Variants in FBXL17 observed in about 807,000 individuals in gnomAD.
FBXL17 encodes the protein F-box/LRR-repeat protein 17.
A neutral mutation model predicts 66.2 loss-of-function variants in FBXL17; 22 were observed. The observed-to-expected ratio is 0.33, with a 90% CI of 0.24 to 0.47. The LOEUF (loss-of-function observed/expected upper bound fraction) is 0.47. Ranked by LOEUF, FBXL17 falls within the 20% of genes least tolerant of loss-of-function variation. FBXL17 has a pLI of 1.00. For synonymous variants in FBXL17, 474 were observed against 400.5 expected (o/e 1.18, Z -2.19); for missense variants, 878 against 948.2 (o/e 0.93, Z 0.97).
intron 5 of FBXL17, among the ~76,000 whole-genome samples, chr5:108,191,993 G>A (rs1351582658): frequency 6.6e-6 from 1 of 152,100 alleles, no homozygotes; most frequent in Non-Finnish European, 1.5e-5. Context: ...AGTATCCAAA[G>A]GCAGTTCCAA....
At chr5:108,188,988 C>A (rs933654363) in intron 5 of FBXL17, among the ~76,000 whole-genome samples, 1 of 152,196 alleles carries the variant, frequency 6.6e-6, no homozygotes, top group African/African-American at 2.4e-5. Context: ...GCTGTGCTTT[C>A]TTCCTTTCCA....
intron 6 of FBXL17, among the ~76,000 whole-genome samples, chr5:108,133,363 A>C (rs1751010561): frequency 6.6e-6 from 1 of 152,174 alleles, no homozygotes; most frequent in African/African-American, 2.4e-5. Flanking sequence ...CACTGTATTT[A>C]AATATTCATA....
At chr5:107,863,979 G>C (rs1561509474) in intron 8 of FBXL17, among the ~76,000 whole-genome samples, 1 of 152,198 alleles carries the variant, frequency 6.6e-6, no homozygotes, top group East Asian at 1.9e-4. Flanking sequence ...TCTTCCACCT[G>C]AATAAAAGCC....
chr5:108,290,416 C>T (rs1023507824), intron 4 of FBXL17, among the ~76,000 whole-genome samples: 11 of 152,072 alleles, frequency 7.2e-5, no homozygotes, highest in Non-Finnish European at 1.3e-4. Flanking sequence ...TTTTAATTTA[C>T]CATTCCTGTA....
intron 8 of FBXL17, among the ~76,000 whole-genome samples, chr5:107,871,930 T>C (rs1470928789): frequency 6.6e-6 from 1 of 152,222 alleles, no homozygotes; most frequent in East Asian, 1.9e-4. Flanking sequence ...CTGTTTTCTT[T>C]TGTGCATAAT....
intron 6 of FBXL17, among the ~76,000 whole-genome samples, chr5:108,184,306 T>C (rs1172263114): frequency 2.6e-5 from 4 of 152,024 alleles, no homozygotes; most frequent in African/African-American, 9.7e-5. Context: ...CACTTGTTTT[T>C]TCGTTTTTTT....
intron 6 of FBXL17, among the ~76,000 whole-genome samples, chr5:108,128,645 C>A (rs1047213993): frequency 9.2e-5 from 14 of 151,964 alleles, no homozygotes; most frequent in African/African-American, 3.4e-4. Flanking sequence ...ATTAAAATAC[C>A]AAATTCAACA....
At chr5:108,363,643 C>G (rs1242001369) in intron 3 of FBXL17, among the ~76,000 whole-genome samples, 2 of 151,830 alleles carry the variant, frequency 1.3e-5, no homozygotes, top group African/African-American at 4.8e-5. Flanking sequence ...TTAAATGTTG[C>G]TCCTTCTCTA....
At chr5:108,377,656 T>G (rs1158381210) in intron 1 of FBXL17, among the ~76,000 whole-genome samples, 2 of 152,258 alleles carry the variant, frequency 1.3e-5, no homozygotes, top group Non-Finnish European at 2.9e-5. Context: ...AGAGTTCAAA[T>G]AGTTTTGGGC....
intron 6 of FBXL17, among the ~76,000 whole-genome samples, chr5:108,165,334 T>TCACCA (rs10675513): frequency 0.46 from 70,163 of 151,496 alleles, 17,058 homozygotes; most frequent in Admixed American, 0.58. Context: ...TGAAAAGATG[T>TCACCA]AAATGTAAAC....
intron 7 of FBXL17, among the ~76,000 whole-genome samples, chr5:107,907,293 T>C (rs933758906): frequency 2.0e-5 from 3 of 152,170 alleles, no homozygotes; most frequent in Admixed American, 6.5e-5. Context: ...GCTCTAGTTA[T>C]GTTGGTTAAA....
intron 5 of FBXL17, among the ~76,000 whole-genome samples, chr5:108,213,413 A>G (rs1010236869): frequency 1.3e-5 from 2 of 152,158 alleles, no homozygotes; most frequent in African/African-American, 2.4e-5. Context: ...TGAAACCCAG[A>G]GCCCTGGTGG....
chr5:108,377,819 T>C (rs1749551891), intron 1 of FBXL17, among the ~76,000 whole-genome samples: 1 of 152,236 alleles, frequency 6.6e-6, no homozygotes, highest in African/African-American at 2.4e-5. Context: ...AGATCATTTT[T>C]TAAGGTTAAA....
intron 7 of FBXL17, among the ~76,000 whole-genome samples, chr5:108,006,368 T>C (rs1458636138): frequency 6.6e-6 from 1 of 152,002 alleles, no homozygotes; most frequent in East Asian, 1.9e-4. Context: ...TAAATATATT[T>C]TGAGGATAGA....
intron 7 of FBXL17, among the ~76,000 whole-genome samples, chr5:108,002,182 A>ATTTTTTTTTTTTTTTTTTTTTTT (rs765399250): frequency 9.1e-6 from 1 of 109,496 alleles, no homozygotes; most frequent in African/African-American, 4.5e-5. Flanking sequence ...CACCCAGCTA[A>ATTTTTTTTTTTTTTTTTTTTTTT]TTTTTTTTTT....
chr5:108,185,088 G>T (rs906121158), intron 6 of FBXL17, among the ~76,000 whole-genome samples: 1 of 151,904 alleles, frequency 6.6e-6, no homozygotes, highest in Non-Finnish European at 1.5e-5. Context: ...AAGAAAAATG[G>T]GTTAATCATT....
intron 4 of FBXL17, among the ~76,000 whole-genome samples, chr5:108,261,430 A>T (rs1756815775): frequency 6.6e-6 from 1 of 152,166 alleles, no homozygotes; most frequent in African/African-American, 2.4e-5. Flanking sequence ...AAAAGATAAA[A>T]TTTCTAAATC....
At chr5:108,162,389 G>A (rs147157782) in intron 6 of FBXL17, among the ~76,000 whole-genome samples, 4 of 152,066 alleles carry the variant, frequency 2.6e-5, no homozygotes, top group East Asian at 3.9e-4. Context: ...CCAGCTACTC[G>A]GGAGACTGAA....
At chr5:108,281,047 A>T (rs987637114) in intron 4 of FBXL17, among the ~76,000 whole-genome samples, 3 of 151,928 alleles carry the variant, frequency 2.0e-5, no homozygotes, top group African/African-American at 7.2e-5. Flanking sequence ...ACCTAAAGAG[A>T]GAGACAGATA....
Sources: gnomAD v4.1 joint callset for allele counts (sites outside exome capture counted in the v4.1 genomes callset) on GRCh38, gnomAD v4.1.1 for gene constraint, MANE v1.5 for transcripts, NCBI Gene and HGNC (gene_info 2026-07-23, HGNC 2026-07-21) for gene names.